The following MREG variants were observed in gnomAD, a reference collection of about 807,000 sequenced individuals.
MREG encodes dilute suppressor protein homolog.
MREG carries 31 observed loss-of-function variants against 28.5 expected under a neutral mutation model. The ratio of observed to expected loss-of-function variants is 1.09; its 90% confidence interval spans 0.82 to 1.47. The LOEUF (loss-of-function observed/expected upper bound fraction) is 1.47, where lower values mean the gene tolerates loss of function less well. Among genes scored for constraint, MREG ranks in the 40% most tolerant of loss-of-function variants. The probability of loss-of-function intolerance (pLI) is 0.00; values close to 1 mark genes in which losing one functional copy is unlikely to be tolerated. For synonymous variants in MREG, 106 were observed against 95.2 expected (o/e 1.11, Z -0.66); for missense variants, 256 against 257.4 (o/e 0.99, Z 0.04).
chr2:215,994,348 T>C (rs1693802106), intron 2 of MREG, among the ~76,000 whole-genome samples: 1 of 150,658 alleles, frequency 6.6e-6, no homozygotes, highest in South Asian at 2.1e-4. Flanking sequence ...CACTCATAAG[T>C]GGGAGCTGAA....
intron 1 of MREG, among the ~76,000 whole-genome samples, chr2:215,998,307 CAAAAA>C (rs1222506866): frequency 3.2e-5 from 4 of 123,912 alleles, no homozygotes; most frequent in African/African-American, 1.2e-4. Context: ...CTCCATCTCA[CAAAAA>C]AAAAAAAAAA....
intron 2 of MREG, among the ~76,000 whole-genome samples, chr2:215,973,134 CGAGAG>C (rs1361000609): frequency 1.3e-5 from 2 of 152,090 alleles, no homozygotes; most frequent in Non-Finnish European, 2.9e-5. Flanking sequence ...AGGGGCCCTT[CGAGAG>C]TTAAAAGGAG....
chr2:216,014,984 T>A (rs1312408854), upstream of MREG, among the ~76,000 whole-genome samples: 1 of 152,190 alleles, frequency 6.6e-6, no homozygotes, highest in South Asian at 2.1e-4. Flanking sequence ...ATCTTTACTC[T>A]AATGGAGCAA....
chr2:215,991,964 G>A (rs1472792963), intron 2 of MREG, among the ~76,000 whole-genome samples: 5 of 152,094 alleles, frequency 3.3e-5, no homozygotes, highest in Admixed American at 6.5e-5. Flanking sequence ...TTCTACCAGA[G>A]GTACAAAGAG....
In MREG at chr2:216,003,979, AC is replaced by A. The variant is rs1308794720; in HGVS notation, c.96-7515del. ...AGATCATGTCATCCCTCAGCTCAAA[AC>A]CTGCCAGTGGCTAACCCATTTGGCC... On this transcript the variant is annotated intron_variant, in intron 1 of 4. Coordinates refer to ENST00000263268, the MANE Select transcript of MREG (RefSeq NM_018000.3). Among the ~76,000 whole-genome samples, 3 of 152,232 alleles carry A rather than the reference AC, an allele frequency of 2.0e-5. No homozygotes were observed. In the East Asian group the frequency reaches 5.8e-4, roughly 29 times the overall value.
At chr2:215,940,819 G>A (rs1042867241), downstream of MREG, among the ~76,000 whole-genome samples, 13 of 152,122 alleles carry the variant, frequency 8.5e-5, no homozygotes, top group Admixed American at 3.9e-4. Context: ...GGGAACTCTG[G>A]AGCAATGTAA....
chr2:215,942,407 C>A (rs562493180), downstream of MREG, among the ~76,000 whole-genome samples: 1 of 152,156 alleles, frequency 6.6e-6, no homozygotes, highest in Non-Finnish European at 1.5e-5. Flanking sequence ...CCCCTGCGCC[C>A]CTCTCATGCA....
intron 2 of MREG, among the ~76,000 whole-genome samples, chr2:215,978,209 C>T (rs540227454): frequency 1.3e-5 from 2 of 152,122 alleles, no homozygotes; most frequent in East Asian, 1.9e-4. Context: ...ATATCACCAC[C>T]GATCCCACAG....
At chr2:215,985,341 C>A (rs747875707) in intron 2 of MREG, among the ~76,000 whole-genome samples, 1 of 152,174 alleles carries the variant, frequency 6.6e-6, no homozygotes, top group Non-Finnish European at 1.5e-5. Context: ...AACATTGAGG[C>A]TGTTTACTAC....
chr2:216,018,149 C>T (rs764029713), upstream of MREG, among the ~76,000 whole-genome samples: 26 of 152,024 alleles, frequency 1.7e-4, no homozygotes, highest in Middle Eastern at 3.4e-3. Flanking sequence ...GGCGACAGAA[C>T]GAGACTCCAC....
At chr2:216,027,020 G>T (rs1186811755) in intron 1 of MREG, among the ~76,000 whole-genome samples, 4 of 152,154 alleles carry the variant, frequency 2.6e-5, no homozygotes, top group African/African-American at 9.7e-5. Context: ...TTCAAAAGAA[G>T]TTTGAAGTGT....
intron 2 of MREG, among the ~76,000 whole-genome samples, chr2:215,963,715 C>A (rs1021415137): frequency 1.3e-5 from 2 of 152,136 alleles, no homozygotes; most frequent in Admixed American, 1.3e-4. Context: ...CTAATACCAC[C>A]AGAAAACACT....
intron 2 of MREG, among the ~76,000 whole-genome samples, chr2:215,982,043 G>A (rs1375680552): frequency 2.0e-5 from 3 of 152,168 alleles, no homozygotes; most frequent in South Asian, 2.1e-4. Flanking sequence ...AACACTGGCC[G>A]GGCACGGTGG....
chr2:215,972,409 G>A (rs920871885), intron 2 of MREG, among the ~76,000 whole-genome samples: 6 of 152,246 alleles, frequency 3.9e-5, no homozygotes, highest in East Asian at 1.9e-4. Context: ...TTGGGAGGCC[G>A]AGGCAAGTGG....
intron 1 of MREG, among the ~76,000 whole-genome samples, chr2:216,025,116 T>TGAAAATGCAC (rs1694576574): frequency 1.3e-5 from 2 of 152,322 alleles, no homozygotes; most frequent in East Asian, 3.9e-4. Context: ...TGAGAATGCA[T>TGAAAATGCAC]GAAAATGCAC....
rs183833978 is a variant in MREG at position 215,961,534 on chromosome 2, G to A, written c.256-14421C>T. On this transcript the variant is annotated intron_variant, in intron 2 of 4. Coordinates refer to ENST00000263268, the MANE Select transcript of MREG (RefSeq NM_018000.3). ...TCCGTCTCCCGGGTTCAAGCGATTC[G>A]CCTGCCTCAGCCTCCCTAGTAGCTG... Among the ~76,000 whole-genome samples, 888 of 152,034 alleles carry A rather than the reference G, an allele frequency of 5.8e-3. 4 individuals are homozygous for A. Among genetic ancestry groups the A allele is most frequent in the Non-Finnish European group, 8.9e-3 (605 of 67,976 alleles).
intron 2 of MREG, among the ~76,000 whole-genome samples, chr2:215,948,878 A>G (rs1219245361): frequency 1.3e-5 from 2 of 152,080 alleles, no homozygotes; most frequent in Admixed American, 1.3e-4. Flanking sequence ...GTTGGTCCAC[A>G]TGCTCCTCCA....
At chr2:215,989,655 T>C (rs1693671379) in intron 2 of MREG, among the ~76,000 whole-genome samples, 1 of 151,590 alleles carries the variant, frequency 6.6e-6, no homozygotes, top group African/African-American at 2.4e-5. Flanking sequence ...TGAAAAAAGG[T>C]TAGAGGAATT....
At chr2:216,020,928 C>T (rs1337657282) in intron 1 of MREG, among the ~76,000 whole-genome samples, 2 of 152,156 alleles carry the variant, frequency 1.3e-5, no homozygotes, top group Non-Finnish European at 2.9e-5. Flanking sequence ...TACCCCCAAA[C>T]CAAACAGACA....
Sources: gnomAD v4.1 joint callset for allele counts (sites outside exome capture counted in the v4.1 genomes callset) on GRCh38, gnomAD v4.1.1 for gene constraint, MANE v1.5 for transcripts, NCBI Gene and HGNC (gene_info 2026-07-23, HGNC 2026-07-21) for gene names.